Variants in ADH1A observed in about 807,000 individuals in gnomAD.
ADH1A encodes the protein alcohol dehydrogenase 1A (class I), alpha polypeptide.
A neutral mutation model predicts 35.2 loss-of-function variants in ADH1A; 29 were observed. That is an observed-to-expected ratio of 0.82 (90% CI 0.61 to 1.12). The LOEUF (loss-of-function observed/expected upper bound fraction) is 1.12, where lower values mean the gene tolerates loss of function less well. Ranked by LOEUF, ADH1A falls within the 50% of genes most tolerant of loss-of-function variation. The probability of loss-of-function intolerance (pLI) is 0.00; values close to 1 mark genes in which losing one functional copy is unlikely to be tolerated. For missense variants in ADH1A, 469 were observed against 464.7 expected (o/e 1.01, Z -0.09); for synonymous variants, 147 against 164.8 (o/e 0.89, Z 0.83).
intron 1 of ADH1A, 128 bp from the exon 2 acceptor site, chr4:99,287,793 T>G: frequency 1.1e-6 from 1 of 913,922 alleles, no homozygotes. Context: ...TCTATAGAAA[T>G]GATCACCTCT....
chr4:99,287,580 T>C lies in ADH1A; in HGVS notation c.104A>G (p.His35Arg), dbSNP rs746972937. Residue 35 changes from histidine (H) to arginine (R), a missense_variant, in exon 2 of 9, where the codon CAT (histidine) becomes CGT (arginine). Coordinates refer to ENST00000209668, the MANE Select transcript of ADH1A (RefSeq NM_000667.4). ...GTATTTCACCTTAATACGAACTTCA[T>C]GGGCCTTAGGAGGTGCAACCTCCAC... ...EEVEVAPPKA[H>R]EVRIKMVAVG... The C allele has an allele frequency of 4.0e-5, 64 of 1,613,128 alleles. No homozygotes were observed. Among genetic ancestry groups the C allele is most frequent in the Non-Finnish European group, 5.2e-5 (61 of 1,179,450 alleles).
chr4:99,278,040 A>G (rs1280162859), intron 8 of ADH1A, among the ~76,000 whole-genome samples: 3 of 152,108 alleles, frequency 2.0e-5, no homozygotes, highest in Non-Finnish European at 2.9e-5. Context: ...AGTCTTACCA[A>G]TATTGAGTGT....
At position 99,280,202 on chromosome 4, in the gene ADH1A, G is replaced by A; in HGVS notation, c.906C>T (p.Leu302=). 6.2e-7 allele frequency: 1 copy of A among 1,613,826 alleles called. No individual in the cohort carries two copies. Among genetic ancestry groups the A allele is most frequent in the Non-Finnish European group, 8.5e-7 (1 of 1,179,860 alleles). The stretch of plus-strand genomic sequence containing the variant: ...TCAGTAGCAGCATAGGGTTCATTGA[G>A]AGGTTTTGGGAATCAGGAGGTACCC... ...IVGVPPDSQN[L]SMNPMLLLTG... is the part of the protein sequence containing the mutation. The change falls in exon 7 of 9, where the codon CTC becomes CTT. Residue 302 remains leucine (L), a synonymous_variant. Coordinates refer to ENST00000209668, the MANE Select transcript of ADH1A (RefSeq NM_000667.4).
intron 5 of ADH1A, among the ~76,000 whole-genome samples, chr4:99,283,634 G>T (rs975642919): frequency 6.6e-6 from 1 of 152,160 alleles, no homozygotes; most frequent in Non-Finnish European, 1.5e-5. Flanking sequence ...ATTAGTAAAA[G>T]ATATTTTAGT....
Position 99,279,524 on chromosome 4 carries a change from A to G in ADH1A, c.1005T>C (p.Asp335=). The G allele has an allele frequency of 6.2e-7, 1 of 1,611,074 alleles. No individual in the cohort carries two copies. Among genetic ancestry groups the G allele is most frequent in the African/African-American group, 1.3e-5 (1 of 74,818 alleles). The change falls in exon 8 of 9, where the codon GAT becomes GAC. Residue 335 remains aspartate (D), a synonymous_variant. Coordinates refer to ENST00000209668, the MANE Select transcript of ADH1A (RefSeq NM_000667.4). Reference sequence around the variant, plus strand: ...CCAATGAAAACTTCTTAGCCATAAAATCAGCCACAAGTTTTGGGACACATT... The same window carrying G: ...CCAATGAAAACTTCTTAGCCATAAAGTCAGCCACAAGTTTTGGGACACATT... ...SKECVPKLVA[D]FMAKKFSLDA...
chr4:99,288,496 T>C (rs1299566291), intron 1 of ADH1A, among the ~76,000 whole-genome samples: 1 of 152,238 alleles, frequency 6.6e-6, no homozygotes, highest in African/African-American at 2.4e-5. Context: ...TTTCCAGTGC[T>C]TGGCAGTGAA....
chr4:99,285,219 G>GT (rs1395330454), intron 3 of ADH1A, among the ~76,000 whole-genome samples: 1 of 152,128 alleles, frequency 6.6e-6, no homozygotes, highest in Admixed American at 6.5e-5. Context: ...GGTAAGACCT[G>GT]TTTTTTGTTA....
intron 3 of ADH1A, 26 bp downstream of exon 3, chr4:99,286,824 A>G (rs1052370388): frequency 1.2e-6 from 2 of 1,611,582 alleles, no homozygotes; most frequent in East Asian, 2.2e-5. Context: ...GTGAACCATC[A>G]TGTTTCCTGA....
chr4:99,279,336 T>G (rs910934604), intron 8 of ADH1A, 90 bp downstream of exon 8: 8 of 1,474,318 alleles, frequency 5.4e-6, no homozygotes, highest in African/African-American at 4.3e-5. Context: ...GCACTCTAAT[T>G]TTTCTCATCC....
chr4:99,284,504 A>T lies in ADH1A; in HGVS notation c.462T>A (p.Asp154Glu). The stretch of plus-strand genomic sequence containing the variant: ...CATCAATTTTGGCTACTGCATTTTC[A>T]TCCACCACTGTGTACTGTGAGAAGG... ...ISTFSQYTVV[D>E]ENAVAKIDAA... is the part of the protein sequence containing the mutation. Residue 154 changes from aspartate to glutamate, a missense_variant, in exon 5 of 9, where the codon GAT becomes GAA. Coordinates refer to ENST00000209668, the MANE Select transcript of ADH1A (RefSeq NM_000667.4). 1 of 1,614,264 alleles carries T rather than the reference A, an allele frequency of 6.2e-7. No homozygotes were observed. Among genetic ancestry groups the T allele is most frequent in the South Asian group, 1.1e-5 (1 of 91,082 alleles).
intron 2 of ADH1A, among the ~76,000 whole-genome samples, chr4:99,287,232 A>T (rs1425787745): frequency 6.6e-6 from 1 of 152,238 alleles, no homozygotes; most frequent in Non-Finnish European, 1.5e-5. Flanking sequence ...GAAATAGTTA[A>T]GTCTTAAATA....
At chr4:99,285,740 AG>A (rs1185227203) in intron 3 of ADH1A, among the ~76,000 whole-genome samples, 1 of 152,112 alleles carries the variant, frequency 6.6e-6, no homozygotes, top group Non-Finnish European at 1.5e-5. Context: ...GGTCCAATCT[AG>A]TGCCTAAAGT....
chr4:99,284,563 T>C lies in ADH1A; in HGVS notation c.403A>G (p.Arg135Gly), dbSNP rs1488725522. Residue 135 changes from arginine to glycine, a missense_variant, in exon 5 of 9, where the codon AGG (arginine) becomes GGG (glycine). By Grantham distance (125) the Arg-to-Gly change is moderately radical. Coordinates refer to ENST00000209668, the MANE Select transcript of ADH1A (RefSeq NM_000667.4). ...QDGTSRFTCR[R>G]KPIHHFLGIS... The stretch of plus-strand genomic sequence containing the variant: ...CCAAGGAAGTGGTGGATGGGCTTCC[T>C]CCTGCAGGTGAACCTGCTGGTGCCA... The C allele has an allele frequency of 2.1e-5, 34 of 1,614,098 alleles. No individual in the cohort carries two copies. Among genetic ancestry groups the C allele is most frequent in the Non-Finnish European group, 2.8e-5 (33 of 1,180,042 alleles).
At position 99,276,432 on chromosome 4, in the gene ADH1A, C is replaced by T. The variant is rs546438511; in HGVS notation, c.*192G>A. On this transcript the variant is annotated 3_prime_UTR_variant, in exon 9 of 9. Coordinates refer to ENST00000209668, the MANE Select transcript of ADH1A (RefSeq NM_000667.4). ...CTGATGTTCAACACTTTATTTAGTT[C>T]TCATTTGGATTTTAAACATTTGCTT... The T allele has an allele frequency of 4.4e-3, 2,740 of 627,990 alleles. 106 individuals carry two copies. In the South Asian group the frequency reaches 0.053, roughly 12 times the overall value. 38.9% of individuals were successfully genotyped at this position (627,990 alleles called of 1,614,324 possible). A position where few individuals can be genotyped will look rare whatever the true frequency, so the allele number is the denominator to read the frequency against.
intron 1 of ADH1A, among the ~76,000 whole-genome samples, chr4:99,287,913 A>G (rs1333271765): frequency 6.6e-6 from 1 of 152,234 alleles, no homozygotes; most frequent in Non-Finnish European, 1.5e-5. Flanking sequence ...CATTAAGGCC[A>G]TCCTTATGTT....
intron 1 of ADH1A, among the ~76,000 whole-genome samples, chr4:99,288,343 GTGTGTGTGTGTGTGTA>G (rs1196272569): frequency 6.6e-6 from 1 of 151,984 alleles, no homozygotes; most frequent in Non-Finnish European, 1.5e-5. Flanking sequence ...TTGGGTGTGT[GTGTGTGTGTGTGTGTA>G]TGTGTGTGTG....
intron 1 of ADH1A, among the ~76,000 whole-genome samples, chr4:99,288,116 A>G (rs2110612173): frequency 6.6e-6 from 1 of 152,274 alleles, no homozygotes; most frequent in South Asian, 2.1e-4. Flanking sequence ...AAAGGATCTG[A>G]GTTTATAAGG....
rs61732103 is a variant in ADH1A at position 99,282,359 on chromosome 4, C to T, written c.815G>A (p.Arg272Gln). ...GVDFSFEVIG[R>Q]LDTMMASLLC... ...CATGGTACATACCATGGTGTCAAGC[C>T]GACCGATGACTTCAAATGAAAAATC... The change falls in exon 6 of 9, where the codon CGG (arginine) becomes CAG (glutamine). Residue 272 changes from arginine to glutamine, a missense_variant. Arg to Gln is a conservative substitution (Grantham distance 43, BLOSUM62 1). Transcript: ENST00000209668. The T allele has an allele frequency of 5.8e-5, 93 of 1,613,994 alleles. No individual in the cohort carries two copies. The highest frequency in any genetic ancestry group is 7.6e-5 in the Non-Finnish European group (90 of 1,180,002).
Position 99,280,242 on chromosome 4 carries a change from G to A in ADH1A, c.866C>T (p.Thr289Ile). The change falls in exon 7 of 9, where the codon ACA (threonine) becomes ATA (isoleucine). Residue 289 changes from threonine (T) to isoleucine (I), a missense_variant. Transcript: ENST00000209668. Reference protein sequence around the residue: ...SLLCCHEACGTSVIVGVPPDS... With the variant: ...SLLCCHEACGISVIVGVPPDS... ...AGGAGGTACCCCTACGATGACACTT[G>A]TGCCACATGCCTCATGACAACATAA... is the stretch of plus-strand genomic sequence containing the variant. 6.2e-7 allele frequency: 1 copy of A among 1,613,792 alleles called. No individual in the cohort carries two copies. Among genetic ancestry groups the A allele is most frequent in the Non-Finnish European group, 8.5e-7 (1 of 1,179,854 alleles).
Sources: allele counts gnomAD v4.1 joint callset (sites outside exome capture counted in the v4.1 genomes callset), GRCh38; gene constraint gnomAD v4.1.1; transcripts MANE v1.5; gene names NCBI Gene and HGNC (gene_info 2026-07-23, HGNC 2026-07-21).